RIN2: variants seen among roughly 807,000 people sequenced by gnomAD.
RIN2 encodes Ras and Rab interactor 2, also known as RAB5 interacting protein 2.
RIN2 carries 36 observed loss-of-function variants against 78.0 expected under a neutral mutation model. The observed-to-expected ratio is 0.46, with a 90% CI of 0.35 to 0.61. RIN2 has a LOEUF of 0.61. Ranked by LOEUF, RIN2 falls within the 20% of genes least tolerant of loss-of-function variation. The pLI is 0.00. For missense variants in RIN2, 1,087 were observed against 1,159.7 expected (o/e 0.94, Z 0.91); for synonymous variants, 466 against 466.8 (o/e 1.00, Z 0.02).
intron 2 of RIN2, among the ~76,000 whole-genome samples, chr20:19,803,042 T>C (rs1271377460): frequency 6.6e-6 from 1 of 152,220 alleles, no homozygotes; most frequent in Non-Finnish European, 1.5e-5. Flanking sequence ...GAGAATGCTT[T>C]ATTGTTCCTG....
intron 2 of RIN2, among the ~76,000 whole-genome samples, chr20:19,827,810 CTTTTTTTT>C (rs34007899): frequency 7.2e-6 from 1 of 138,396 alleles, no homozygotes; most frequent in South Asian, 2.3e-4. Context: ...TTCTTTTTTT[CTTTTTTTT>C]TTTTTTTGCT....
chr20:19,824,089 A>G, intron 2 of RIN2: 1 of 599,874 alleles, frequency 1.7e-6, no homozygotes, highest in Non-Finnish European at 2.9e-6. Context: ...GTGCTGAGTT[A>G]ATTGTATAAA....
chr20:19,894,089 A>G (rs1373660316), intron 3 of RIN2, among the ~76,000 whole-genome samples: 1 of 152,050 alleles, frequency 6.6e-6, no homozygotes, highest in Non-Finnish European at 1.5e-5. Context: ...AACAAAAACA[A>G]CAACAAAACA....
chr20:19,865,564 T>A (rs2037481481), intron 2 of RIN2, among the ~76,000 whole-genome samples: 1 of 150,392 alleles, frequency 6.6e-6, no homozygotes, highest in African/African-American at 2.4e-5. Flanking sequence ...CATGGCTCAC[T>A]GCAGCCTCAA....
intron 3 of RIN2, among the ~76,000 whole-genome samples, chr20:19,933,607 G>A (rs369545738): frequency 1.3e-5 from 2 of 152,224 alleles, no homozygotes; most frequent in East Asian, 1.9e-4. Flanking sequence ...GGCATGAAGC[G>A]GGAGCCCATA....
At chr20:19,796,991 T>G (rs185418356) in intron 1 of RIN2, among the ~76,000 whole-genome samples, 75 of 152,300 alleles carry the variant, frequency 4.9e-4, no homozygotes, top group Non-Finnish European at 5.3e-4. Context: ...GGAGGATGAA[T>G]GAAAGCTGCC....
At chr20:19,851,018 G>GAGA (rs1263438659) in intron 2 of RIN2, among the ~76,000 whole-genome samples, 1 of 117,726 alleles carries the variant, frequency 8.5e-6, no homozygotes, top group African/African-American at 3.9e-5. Flanking sequence ...AGGAAGGAAG[G>GAGA]AAGGAAGGAA....
chr20:19,822,821 A>T (rs1407750506), intron 2 of RIN2, among the ~76,000 whole-genome samples: 1 of 152,226 alleles, frequency 6.6e-6, no homozygotes, highest in Non-Finnish European at 1.5e-5. Flanking sequence ...TAACTTGCAA[A>T]GTGCTTTGGA....
chr20:19,808,737 G>A lies in RIN2; in HGVS notation c.-37+8990G>A, dbSNP rs184430974. Among the ~76,000 whole-genome samples, 12 of 152,296 alleles carry A rather than the reference G, an allele frequency of 7.9e-5. No individual in the cohort carries two copies. In the East Asian group the frequency reaches 2.1e-3, roughly 27 times the overall value. On this transcript the variant is annotated intron_variant, in intron 2 of 12. Transcript: ENST00000255006. ...CCACGGAAGGCCTGCTGCTCGCCAC[G>A]CAATATCTACTCAGCTGCTGCTGGC...
At chr20:19,889,748 T>A in intron 3 of RIN2, 90 bp downstream of exon 3, 1 of 1,043,242 alleles carries the variant, frequency 9.6e-7, no homozygotes, top group Non-Finnish European at 1.3e-6. Flanking sequence ...CTGAGGGAAG[T>A]CTGCTCTCTG....
chr20:19,878,865 C>G (rs2037936217), intron 2 of RIN2, among the ~76,000 whole-genome samples: 1 of 152,154 alleles, frequency 6.6e-6, no homozygotes, highest in African/African-American at 2.4e-5. Flanking sequence ...TGTACCCACC[C>G]TCAAATAGTC....
At chr20:19,814,340 G>T (rs1172237305) in intron 2 of RIN2, among the ~76,000 whole-genome samples, 4 of 152,176 alleles carry the variant, frequency 2.6e-5, no homozygotes, top group African/African-American at 7.2e-5. Flanking sequence ...GTAGGTGGAC[G>T]TGAGGTCGCG....
intron 5 of RIN2, 64 bp from the exon 6 acceptor site, chr20:19,960,636 C>A: frequency 8.2e-7 from 1 of 1,222,048 alleles, no homozygotes. Context: ...TGAGGGAAAC[C>A]AGATGCTTGG....
intron 3 of RIN2, among the ~76,000 whole-genome samples, chr20:19,934,201 G>A (rs1016956416): frequency 4.6e-5 from 7 of 152,144 alleles, no homozygotes; most frequent in African/African-American, 1.7e-4. Flanking sequence ...TTAAAATGAA[G>A]GAATTTAATA....
At chr20:19,883,716 A>G (rs2038096469) in intron 2 of RIN2, among the ~76,000 whole-genome samples, 1 of 152,026 alleles carries the variant, frequency 6.6e-6, no homozygotes, top group South Asian at 2.1e-4. Context: ...CAGTAACTAC[A>G]TGGGCACCAG....
At chr20:19,767,476 G>A (rs1265749461) in intron 1 of RIN2, among the ~76,000 whole-genome samples, 2 of 152,198 alleles carry the variant, frequency 1.3e-5, no homozygotes, top group African/African-American at 2.4e-5. Context: ...GACCCACTTT[G>A]AAGGAGAATT....
intron 1 of RIN2, among the ~76,000 whole-genome samples, chr20:19,779,834 C>T (rs922841451): frequency 6.6e-6 from 1 of 152,068 alleles, no homozygotes; most frequent in Non-Finnish European, 1.5e-5. Context: ...TTATTGTTAC[C>T]AGCATGTTTT....
At chr20:19,758,987 C>T (rs2033510796) in intron 1 of RIN2, among the ~76,000 whole-genome samples, 2 of 152,188 alleles carry the variant, frequency 1.3e-5, no homozygotes, top group Admixed American at 6.5e-5. Flanking sequence ...GGAGGAGCCC[C>T]GGATTCCTGC....
chr20:19,901,951 G>T (rs984227858), intron 3 of RIN2, among the ~76,000 whole-genome samples: 7 of 148,642 alleles, frequency 4.7e-5, no homozygotes, highest in Non-Finnish European at 5.9e-5. Flanking sequence ...GGGAGGCGGA[G>T]GTTGTGATGA....
Sources: allele counts gnomAD v4.1 joint callset (sites outside exome capture counted in the v4.1 genomes callset), GRCh38; gene constraint gnomAD v4.1.1; transcripts MANE v1.5; gene names NCBI Gene and HGNC (gene_info 2026-07-23, HGNC 2026-07-21).